CDH8: variants seen among roughly 807,000 people sequenced by gnomAD.
CDH8 encodes the protein cadherin-8.
Under a neutral mutation model 68.1 loss-of-function variants are expected in CDH8, and 17 were observed. The observed-to-expected ratio is 0.25, with a 90% CI of 0.17 to 0.37. The LOEUF is 0.37. CDH8 is among the 10% of genes least tolerant of loss of function. The pLI is 1.00. For synonymous variants in CDH8, 372 were observed against 365.1 expected, an observed-to-expected ratio of 1.02 and a Z score of -0.21; for missense variants, 763 against 999.3, an observed-to-expected ratio of 0.76 and a Z score of 3.19.
intron 2 of CDH8, among the ~76,000 whole-genome samples, chr16:61,967,295 C>A (rs535660132): frequency 6.6e-6 from 1 of 152,276 alleles, no homozygotes; most frequent in East Asian, 1.9e-4. Flanking sequence ...CAACATATCC[C>A]ATGTATGGAT....
chr16:62,009,810 A>G (rs1210957507), intron 2 of CDH8, among the ~76,000 whole-genome samples: 1 of 152,200 alleles, frequency 6.6e-6, no homozygotes, highest in Non-Finnish European at 1.5e-5. Flanking sequence ...GAAAATAATA[A>G]CATGTAAATA....
chr16:61,832,369 T>C (rs1314512864), intron 4 of CDH8, among the ~76,000 whole-genome samples: 1 of 148,942 alleles, frequency 6.7e-6, no homozygotes, highest in Non-Finnish European at 1.5e-5. Context: ...GATAGATAGA[T>C]AGATAGATAG....
intron 2 of CDH8, among the ~76,000 whole-genome samples, chr16:61,959,537 T>G (rs1054366259): frequency 1.6e-5 from 2 of 128,680 alleles, no homozygotes; most frequent in East Asian, 4.7e-4. Context: ...TCTCTCTCTC[T>G]CTCTCTGTGT....
chr16:61,825,857 G>A (rs1384065390), intron 4 of CDH8, among the ~76,000 whole-genome samples: 2 of 151,724 alleles, frequency 1.3e-5, no homozygotes, highest in South Asian at 2.1e-4. Context: ...CATAAAATAC[G>A]ATAAAATTAT....
At chr16:61,892,737 AGAGG>A (rs1449521040) in intron 3 of CDH8, among the ~76,000 whole-genome samples, 2 of 152,116 alleles carry the variant, frequency 1.3e-5, no homozygotes, top group Admixed American at 6.6e-5. Context: ...AACAGGAGGT[AGAGG>A]AAGAGTGAGA....
At chr16:61,970,731 T>C (rs1441841138) in intron 2 of CDH8, among the ~76,000 whole-genome samples, 1 of 152,176 alleles carries the variant, frequency 6.6e-6, no homozygotes, top group Non-Finnish European at 1.5e-5. Flanking sequence ...ACCGTCTCCC[T>C]GGAGATAGCA....
chr16:61,765,476 T>G (rs78921643), intron 8 of CDH8, among the ~76,000 whole-genome samples: 49 of 152,128 alleles, frequency 3.2e-4, no homozygotes, highest in African/African-American at 1.2e-3. Flanking sequence ...CATCTGTTGC[T>G]TGGTTGTGTC....
intron 1 of CDH8, among the ~76,000 whole-genome samples, chr16:62,024,576 T>A (rs1013354940): frequency 1.3e-5 from 2 of 152,176 alleles, no homozygotes; most frequent in Non-Finnish European, 2.9e-5. Context: ...CTACCTGAAC[T>A]CACCAGAATA....
chr16:61,784,869 A>C (rs1341007664), intron 8 of CDH8, among the ~76,000 whole-genome samples: 2 of 152,214 alleles, frequency 1.3e-5, no homozygotes, highest in African/African-American at 4.8e-5. Context: ...GGCAGAAATA[A>C]AGATGTTCTT....
chr16:61,825,093 G>A lies in CDH8; in HGVS notation c.754C>T (p.His252Tyr). ...VVIQAKDMGG[H>Y]SGGLSGTTTL... is the part of the protein sequence containing the mutation. ...GTGGTCCCAGACAGGCCACCAGAGT[G>A]TCCACCCATATCTTTGGCTTGGATA... The change falls in exon 5 of 12, where the codon CAC (histidine) becomes TAC (tyrosine). Residue 252 changes from histidine (H) to tyrosine (Y), a missense_variant. Physicochemically the swap from His to Tyr is moderately conservative, Grantham distance 83. Around this residue, in one of 2 missense-constraint regions of CDH8, gnomAD observed 366 missense variants for 563.1 expected, o/e 0.65. Coordinates refer to ENST00000577390, the MANE Select transcript of CDH8 (RefSeq NM_001796.5). 1 of 1,611,682 alleles carries A rather than the reference G, an allele frequency of 6.2e-7. No homozygotes were observed. The highest frequency in any genetic ancestry group is 1.3e-5 in the African/African-American group (1 of 74,856).
At chr16:61,877,831 G>C (rs990178925) in intron 3 of CDH8, among the ~76,000 whole-genome samples, 2 of 152,052 alleles carry the variant, frequency 1.3e-5, no homozygotes, top group Non-Finnish European at 2.9e-5. Flanking sequence ...AAGGATTCAA[G>C]AGAAATATTT....
chr16:61,722,401 A>T (rs1959229000), intron 9 of CDH8, among the ~76,000 whole-genome samples: 1 of 150,846 alleles, frequency 6.6e-6, no homozygotes, highest in Non-Finnish European at 1.5e-5. Context: ...AGTTTTCAAA[A>T]TTTTAAATTA....
At chr16:62,035,110 CG>C (rs1902422440) in intron 1 of CDH8, 1 of 151,594 alleles carries the variant, frequency 6.6e-6, no homozygotes, top group Non-Finnish European at 1.5e-5. Context: ...GGCGGCAGCA[CG>C]TTTTTTTACC....
At chr16:62,035,315 G>C (rs1161604129) in intron 1 of CDH8, among the ~76,000 whole-genome samples, 2 of 152,182 alleles carry the variant, frequency 1.3e-5, no homozygotes, top group Non-Finnish European at 2.9e-5. Flanking sequence ...GTCCCTAGGA[G>C]AGCGGCTACG....
At chr16:61,763,276 C>T (rs896462579) in intron 8 of CDH8, among the ~76,000 whole-genome samples, 2 of 152,158 alleles carry the variant, frequency 1.3e-5, no homozygotes, top group Non-Finnish European at 2.9e-5. Flanking sequence ...ATTGCATACA[C>T]ACGTGCCAGG....
At chr16:61,769,013 A>G (rs1960708818) in intron 8 of CDH8, among the ~76,000 whole-genome samples, 1 of 151,724 alleles carries the variant, frequency 6.6e-6, no homozygotes, top group Non-Finnish European at 1.5e-5. Context: ...TATTTACCAT[A>G]TTGTAAGTTG....
intron 4 of CDH8, among the ~76,000 whole-genome samples, chr16:61,849,968 A>T (rs1962905019): frequency 6.6e-6 from 1 of 152,178 alleles, no homozygotes; most frequent in Non-Finnish European, 1.5e-5. Context: ...TTTCAATATC[A>T]TGAATGACTA....
At chr16:61,686,802 T>G (rs1293319651) in intron 10 of CDH8, among the ~76,000 whole-genome samples, 3 of 151,994 alleles carry the variant, frequency 2.0e-5, no homozygotes, top group Non-Finnish European at 4.4e-5. Flanking sequence ...CATTTTAGGT[T>G]AGCAGTATGT....
At position 61,773,504 on chromosome 16, in the gene CDH8, T is replaced by C. The variant is rs560718708; in HGVS notation, c.1414+15842A>G. Reference sequence around the variant, plus strand: ...TGTTTATAAAATTTTAGAGAAATAATACAGATGTGAGAAGATGGGAGTACT... The same window carrying C: ...TGTTTATAAAATTTTAGAGAAATAACACAGATGTGAGAAGATGGGAGTACT... On this transcript the variant is annotated intron_variant, in intron 8 of 11. Coordinates refer to ENST00000577390, the MANE Select transcript of CDH8 (RefSeq NM_001796.5). Among the ~76,000 whole-genome samples the C allele has an allele frequency of 2.0e-5, 3 of 152,188 alleles. No individual in the cohort carries two copies. The East Asian group carries it at 5.8e-4, about 29-fold the overall frequency.
Sources: gnomAD v4.1 joint callset for allele counts (sites outside exome capture counted in the v4.1 genomes callset) on GRCh38, gnomAD v4.1.1 for gene constraint, gnomAD v4.1.1 regional missense constraint, MANE v1.5 for transcripts, NCBI Gene and HGNC (gene_info 2026-07-23, HGNC 2026-07-21) for gene names.